Variants in NFIB observed in about 807,000 individuals in gnomAD.
NFIB encodes nuclear factor 1 B-type.
NFIB carries 11 observed loss-of-function variants against 61.5 expected under a neutral mutation model. The observed-to-expected ratio is 0.18, with a 90% CI of 0.11 to 0.30. The LOEUF is 0.30. NFIB is among the 10% of genes least tolerant of loss of function. The pLI, the probability that NFIB is intolerant of heterozygous loss-of-function variation, is 1.00. For synonymous variants in NFIB, 260 were observed against 216.5 expected, an observed-to-expected ratio of 1.20 and a Z score of -1.76; for missense variants, 471 against 608.9, an observed-to-expected ratio of 0.77 and a Z score of 2.38.
intron 3 of NFIB, among the ~76,000 whole-genome samples, chr9:14,167,095 G>A (rs1277746859): frequency 1.5e-5 from 2 of 135,636 alleles, no homozygotes; most frequent in East Asian, 5.4e-4. Context: ...GGGGGGGGGG[G>A]TTCCCCTTTT....
intron 8 of NFIB, among the ~76,000 whole-genome samples, chr9:14,119,424 T>A (rs2038625686): frequency 6.6e-6 from 1 of 152,170 alleles, no homozygotes; most frequent in South Asian, 2.1e-4. Context: ...GGGTCCTGGA[T>A]GCGTTGTTAT....
chr9:14,385,962 C>T (rs972484680), intron 1 of NFIB, among the ~76,000 whole-genome samples: 1 of 151,762 alleles, frequency 6.6e-6, no homozygotes, highest in African/African-American at 2.4e-5. Context: ...TTTGTATGTT[C>T]AGTAGAGACA....
At chr9:14,519,914 G>A in the NFIB span, among the ~76,000 whole-genome samples, 5 of 151,876 alleles carry the variant, frequency 3.3e-5, no homozygotes, top group African/African-American at 1.2e-4. Context: ...TACATAACCT[G>A]AAACACTCTC....
At chr9:14,194,230 G>A (rs1180509065) in intron 2 of NFIB, among the ~76,000 whole-genome samples, 2 of 152,178 alleles carry the variant, frequency 1.3e-5, no homozygotes, top group East Asian at 3.9e-4. Context: ...AAGTGGCCAT[G>A]AAGTAAGTCT....
chr9:14,231,697 G>A (rs1451832625), intron 2 of NFIB, among the ~76,000 whole-genome samples: 1 of 152,104 alleles, frequency 6.6e-6, no homozygotes, highest in East Asian at 1.9e-4. Context: ...ATTGCTGATG[G>A]TGAAGTGCAG....
At chr9:14,530,713 G>T in the NFIB span, among the ~76,000 whole-genome samples, 1 of 152,082 alleles carries the variant, frequency 6.6e-6, no homozygotes, top group Non-Finnish European at 1.5e-5. Flanking sequence ...ATCAGACCAG[G>T]CTTCCTTCTG....
intron 1 of NFIB, among the ~76,000 whole-genome samples, chr9:14,308,910 T>C (rs2060153080): frequency 6.6e-6 from 1 of 152,206 alleles, no homozygotes; most frequent in African/African-American, 2.4e-5. Flanking sequence ...CTGATTTAGG[T>C]AAAACCTGTC....
intron 2 of NFIB, among the ~76,000 whole-genome samples, chr9:14,220,842 T>TACACCCACCCCCACACACAC (rs762429739): frequency 1.6e-5 from 2 of 123,018 alleles, no homozygotes; most frequent in East Asian, 5.7e-4. Flanking sequence ...TCAATCTCCC[T>TACACCCACCCCCACACACAC]ACACACACAC....
chr9:14,459,136 T>A, the NFIB span, among the ~76,000 whole-genome samples: 61,309 of 150,550 alleles, frequency 0.41, 13,272 homozygotes, highest in Admixed American at 0.53. Flanking sequence ...GTTACAGTAA[T>A]CAAAACAGCA....
rs377162522 is a variant in NFIB at position 14,358,982 on chromosome 9, G to A, written c.108+39542C>T. 2.2e-4 allele frequency among the ~76,000 whole-genome samples: 33 copies of A among 152,224 alleles called. No homozygotes were observed. In the South Asian group the frequency reaches 6.2e-3, roughly 29 times the overall value. On this transcript the variant is annotated intron_variant, in intron 1 of 8. Coordinates refer to the NFIB transcript ENST00000380934. Reference sequence around the variant, plus strand: ...CTCTTGAGTTTACTTACATCTGTTGGATCTGGTAGTAGAAACACCGGATAA... The same window carrying A: ...CTCTTGAGTTTACTTACATCTGTTGAATCTGGTAGTAGAAACACCGGATAA...
chr9:14,384,319 A>T (rs2061524947), intron 1 of NFIB, among the ~76,000 whole-genome samples: 1 of 152,172 alleles, frequency 6.6e-6, no homozygotes. Context: ...GGCCTTGACA[A>T]ATATTCAGGT....
At chr9:14,154,808 C>T (rs1014552998) in intron 4 of NFIB, among the ~76,000 whole-genome samples, 3 of 152,136 alleles carry the variant, frequency 2.0e-5, no homozygotes, top group Non-Finnish European at 2.9e-5. Flanking sequence ...TGAGGAACTA[C>T]GGTTCAAAAG....
chr9:14,243,940 G>C (rs548885547), intron 2 of NFIB, among the ~76,000 whole-genome samples: 1 of 152,228 alleles, frequency 6.6e-6, no homozygotes, highest in Admixed American at 6.5e-5. Context: ...TAAACTGTCT[G>C]GTTTCATGGA....
intron 2 of NFIB, among the ~76,000 whole-genome samples, chr9:14,225,244 G>A (rs539072643): frequency 1.2e-4 from 19 of 152,032 alleles, no homozygotes; most frequent in Non-Finnish European, 2.8e-4. Flanking sequence ...TCTCAAGAAT[G>A]CTATAAAAAA....
rs576579668 is a variant in NFIB, at chr9:14,348,154, CA to C, written c.109-40635del. ...TCTGGGGCGTGAGGCCGCCGCGGCC[CA>C]TTCTACACACCTACTGGCATTCCGC... On this transcript the variant is annotated intron_variant, in intron 1 of 8. Transcript: ENST00000380934. Among the ~76,000 whole-genome samples the C allele has an allele frequency of 1.3e-3, 205 of 152,336 alleles. 1 individual carries two copies. The highest frequency in any genetic ancestry group is 2.4e-3 in the Non-Finnish European group (160 of 68,028).
chr9:14,481,748 G>C, the NFIB span, among the ~76,000 whole-genome samples: 1 of 152,116 alleles, frequency 6.6e-6, no homozygotes, highest in Non-Finnish European at 1.5e-5. Flanking sequence ...CATATAGAAT[G>C]TTAGAACTGG....
the NFIB span, among the ~76,000 whole-genome samples, chr9:14,459,451 G>T: frequency 6.6e-6 from 1 of 152,126 alleles, no homozygotes; most frequent in Non-Finnish European, 1.5e-5. Context: ...CAGGACATAG[G>T]CATGGGTAAG....
At chr9:14,353,719 G>C (rs1318230298) in intron 1 of NFIB, among the ~76,000 whole-genome samples, 1 of 152,132 alleles carries the variant, frequency 6.6e-6, no homozygotes, top group South Asian at 2.1e-4. Context: ...TGAGACCCGG[G>C]GACCAGCTGG....
In NFIB at chr9:14,088,199, A is replaced by G; in HGVS notation, c.*110T>C. 1 of 1,521,718 alleles carries G rather than the reference A, an allele frequency of 6.6e-7. No individual in the cohort carries two copies. Among genetic ancestry groups the G allele is most frequent in the Non-Finnish European group, 8.8e-7 (1 of 1,130,544 alleles). 94.3% of individuals were successfully genotyped at this position (1,521,718 alleles called of 1,614,324 possible). On this transcript the variant is annotated 3_prime_UTR_variant, in exon 11 of 11. Transcript: ENST00000380953. ...CTATTGTTGTGTTTCTTTTTCCCTC[A>G]GTTGCTTGTTTCTGCTTGAAGGAAA...
Sources: gnomAD v4.1 joint callset for allele counts (sites outside exome capture counted in the v4.1 genomes callset) on GRCh38, gnomAD v4.1.1 for gene constraint, MANE v1.5 for transcripts, NCBI Gene and HGNC (gene_info 2026-07-23, HGNC 2026-07-21) for gene names.